PRKAR2A: variants seen among roughly 807,000 people sequenced by gnomAD.
PRKAR2A encodes the protein cAMP-dependent protein kinase type II-alpha regulatory subunit.
A neutral mutation model predicts 51.9 loss-of-function variants in PRKAR2A; 29 were observed. The observed-to-expected ratio is 0.56, with a 90% CI of 0.42 to 0.76. The LOEUF is 0.76. Ranked by LOEUF, PRKAR2A falls within the 30% of genes least tolerant of loss-of-function variation. The probability of loss-of-function intolerance (pLI) is 0.00; values close to 1 mark genes in which losing one functional copy is unlikely to be tolerated. For synonymous variants in PRKAR2A, 178 were observed against 186.2 expected (o/e 0.96, Z 0.36); for missense variants, 445 against 512.1 (o/e 0.87, Z 1.26).
intron 1 of PRKAR2A, among the ~76,000 whole-genome samples, chr3:48,822,072 A>G (rs1413212294): frequency 2.0e-5 from 3 of 151,568 alleles, no homozygotes; most frequent in Non-Finnish European, 4.4e-5. Flanking sequence ...ATAGCTGGAC[A>G]TGGTGGCGCA....
chr3:48,745,164 C>T (rs952340610), downstream of PRKAR2A, among the ~76,000 whole-genome samples: 12 of 151,116 alleles, frequency 7.9e-5, no homozygotes, highest in Non-Finnish European at 1.3e-4. Flanking sequence ...CATGAGCAAC[C>T]GCACCCAGCC....
intron 5 of PRKAR2A, among the ~76,000 whole-genome samples, chr3:48,780,535 G>A (rs998248489): frequency 2.6e-5 from 4 of 150,990 alleles, no homozygotes; most frequent in South Asian, 4.2e-4. Flanking sequence ...CCTGGGAGGC[G>A]GAGCTTGCAG....
intron 1 of PRKAR2A, among the ~76,000 whole-genome samples, chr3:48,811,466 G>T (rs2082769528): frequency 6.6e-6 from 1 of 152,150 alleles, no homozygotes; most frequent in African/African-American, 2.4e-5. Flanking sequence ...CAGAGCAAAA[G>T]ACCCTGTCTT....
chr3:48,755,954 G>A (rs926757700), intron 9 of PRKAR2A, among the ~76,000 whole-genome samples: 12 of 151,596 alleles, frequency 7.9e-5, no homozygotes, highest in African/African-American at 2.9e-4. Flanking sequence ...AATTTTTTTT[G>A]TATTTTCAGT....
rs529291071 is a variant in PRKAR2A, at chr3:48,792,623, A to G, written c.351+1374T>C. 4.4e-4 allele frequency among the ~76,000 whole-genome samples: 66 copies of G among 149,230 alleles called. 1 individual carries two copies. Among genetic ancestry groups the G allele is most frequent in the Middle Eastern group, 7.2e-3 (2 of 278 alleles). On this transcript the variant is annotated intron_variant, in intron 3 of 10. Transcript: ENST00000265563. ...ATTACAGGCGCCTGCCACCACACCC[A>G]GCTAATTTTTGTATTTTAGTAGAGA...
chr3:48,821,339 C>T (rs1333433473), intron 1 of PRKAR2A, among the ~76,000 whole-genome samples: 1 of 152,166 alleles, frequency 6.6e-6, no homozygotes, highest in Non-Finnish European at 1.5e-5. Context: ...TAGGGAAATA[C>T]CTCCTCCTAC....
At chr3:48,785,486 C>T (rs962360223) in intron 4 of PRKAR2A, among the ~76,000 whole-genome samples, 3 of 152,098 alleles carry the variant, frequency 2.0e-5, no homozygotes, top group African/African-American at 7.2e-5. Flanking sequence ...TCTTGAACTC[C>T]TGACCTCAGG....
intron 5 of PRKAR2A, among the ~76,000 whole-genome samples, chr3:48,778,485 C>A (rs1329576966): frequency 6.6e-6 from 1 of 151,868 alleles, no homozygotes; most frequent in African/African-American, 2.4e-5. Context: ...CCATGCCTGG[C>A]AAATTTTTTA....
chr3:48,768,131 A>C (rs897022413), intron 6 of PRKAR2A, among the ~76,000 whole-genome samples: 1 of 150,412 alleles, frequency 6.6e-6, no homozygotes, highest in African/African-American at 2.5e-5. Flanking sequence ...CCATCTGTAC[A>C]AAAAATACAA....
chr3:48,782,701 C>T (rs539681586), intron 5 of PRKAR2A, among the ~76,000 whole-genome samples: 6 of 152,322 alleles, frequency 3.9e-5, no homozygotes, highest in Admixed American at 1.3e-4. Flanking sequence ...AGCGATCCAC[C>T]GGCCTTGGCC....
intron 8 of PRKAR2A, among the ~76,000 whole-genome samples, chr3:48,763,572 T>A (rs1171211068): frequency 5.9e-5 from 9 of 152,138 alleles, no homozygotes; most frequent in Non-Finnish European, 1.0e-4. Context: ...TTTCTGAATC[T>A]CAGCACTACA....
intron 1 of PRKAR2A, among the ~76,000 whole-genome samples, chr3:48,844,387 T>C (rs2083427271): frequency 6.7e-6 from 1 of 150,084 alleles, no homozygotes; most frequent in Admixed American, 6.7e-5. Flanking sequence ...ACACTGTTGG[T>C]GGGACTGTAA....
intron 6 of PRKAR2A, among the ~76,000 whole-genome samples, chr3:48,766,829 C>T (rs2081949250): frequency 6.6e-6 from 1 of 152,136 alleles, no homozygotes; most frequent in Non-Finnish European, 1.5e-5. Context: ...TACCTTGACT[C>T]TAGCAAGTCA....
intron 2 of PRKAR2A, among the ~76,000 whole-genome samples, chr3:48,794,843 T>C (rs1026568218): frequency 1.3e-5 from 2 of 152,198 alleles, no homozygotes; most frequent in African/African-American, 4.8e-5. Flanking sequence ...AAATATAATA[T>C]ACTTTTACTG....
intron 1 of PRKAR2A, among the ~76,000 whole-genome samples, chr3:48,834,927 C>G (rs2083255942): frequency 6.6e-6 from 1 of 150,924 alleles, no homozygotes; most frequent in South Asian, 2.1e-4. Flanking sequence ...CACAGTAACT[C>G]ACAAATTCCC....
intron 1 of PRKAR2A, among the ~76,000 whole-genome samples, chr3:48,836,404 G>C (rs1340581426): frequency 2.0e-5 from 2 of 98,588 alleles, no homozygotes; most frequent in Admixed American, 2.0e-4. Context: ...CTGGGCGACA[G>C]TGCGAGACTC....
intron 1 of PRKAR2A, among the ~76,000 whole-genome samples, chr3:48,831,076 AG>A (rs2083179949): frequency 3.9e-5 from 6 of 152,166 alleles, no homozygotes; most frequent in Admixed American, 3.9e-4. Flanking sequence ...TCCATGGCCC[AG>A]GGGGTGGGGA....
At chr3:48,812,511 C>G (rs188776381) in intron 1 of PRKAR2A, among the ~76,000 whole-genome samples, 3 of 146,136 alleles carry the variant, frequency 2.1e-5, no homozygotes, top group African/African-American at 7.6e-5. Context: ...TTTCGAGACT[C>G]TCACTCTGTC....
chr3:48,781,975 T>C (rs1310210123), intron 5 of PRKAR2A, among the ~76,000 whole-genome samples: 1 of 152,194 alleles, frequency 6.6e-6, no homozygotes, highest in Admixed American at 6.5e-5. Context: ...TATTTAACTT[T>C]TCTGTAACTC....
Sources: gnomAD v4.1 joint callset for allele counts (sites outside exome capture counted in the v4.1 genomes callset) on GRCh38, gnomAD v4.1.1 for gene constraint, MANE v1.5 for transcripts, NCBI Gene and HGNC (gene_info 2026-07-23, HGNC 2026-07-21) for gene names.